GSPT1: variants seen among roughly 807,000 people sequenced by gnomAD.
GSPT1 encodes the protein G1 to S phase transition 1.
GSPT1 carries 20 observed loss-of-function variants against 72.5 expected under a neutral mutation model. That is an observed-to-expected ratio of 0.28 (90% confidence interval 0.19 to 0.40). The LOEUF (loss-of-function observed/expected upper bound fraction) is 0.40. GSPT1 is among the 10% of genes least tolerant of loss of function. GSPT1 has a pLI of 1.00. For missense variants in GSPT1, 580 were observed against 811.9 expected (o/e 0.71, Z 3.47); for synonymous variants, 334 against 293.5 (o/e 1.14, Z -1.41).
At chr16:11,901,465 C>T (rs1021763004) in intron 1 of GSPT1, among the ~76,000 whole-genome samples, 8 of 152,026 alleles carry the variant, frequency 5.3e-5, no homozygotes, top group Non-Finnish European at 1.0e-4. Flanking sequence ...AGAAACACAC[C>T]TTTATTAACT....
At chr16:11,893,627 G>T (rs2054297548) in intron 5 of GSPT1, among the ~76,000 whole-genome samples, 1 of 152,056 alleles carries the variant, frequency 6.6e-6, no homozygotes, top group Non-Finnish European at 1.5e-5. Flanking sequence ...GCTTTCATCT[G>T]TGTTCTCCAC....
At chr16:11,910,971 CAAA>C (rs2054550018) in intron 1 of GSPT1, among the ~76,000 whole-genome samples, 1 of 152,114 alleles carries the variant, frequency 6.6e-6, no homozygotes, top group African/African-American at 2.4e-5. Context: ...AAACAAGAGA[CAAA>C]AAGGTCAGCC....
intron 11 of GSPT1, among the ~76,000 whole-genome samples, chr16:11,882,799 T>TA (rs549417221): frequency 0.036 from 5,105 of 143,304 alleles, 136 homozygotes; most frequent in Non-Finnish European, 0.053. Context: ...AATTTTTATT[T>TA]AAAAAAAAAA....
intron 6 of GSPT1, chr16:11,890,703 G>C (rs1414854963): frequency 1.2e-5 from 2 of 164,098 alleles, no homozygotes; most frequent in Non-Finnish European, 1.3e-5. Context: ...CATATCTTAA[G>C]TACAGGGATG....
chr16:11,896,721 T>C lies in GSPT1; in HGVS notation c.501A>G (p.Glu167=), dbSNP rs1348969821. 6.2e-7 allele frequency: 1 copy of C among 1,605,650 alleles called. No homozygotes were observed. The highest frequency in any genetic ancestry group is 2.2e-5 in the East Asian group (1 of 44,774). ...CCAAGGAACCACCCCCTGGCTCTGC[T>C]TCACTTATTTCTTCTTTGTGCTCCC... ...ESWEHKEEIS[E]AEPGGGSLGD... The change falls in exon 4 of 15, where the codon GAA becomes GAG. Residue 167 remains glutamate (E), a synonymous_variant. Coordinates refer to ENST00000434724, the MANE Select transcript of GSPT1 (RefSeq NM_002094.4).
At chr16:11,892,533 A>AAAAAT (rs2054279781) in intron 5 of GSPT1, among the ~76,000 whole-genome samples, 2 of 131,290 alleles carry the variant, frequency 1.5e-5, no homozygotes, top group African/African-American at 3.5e-5. Flanking sequence ...CAAAAAAAAC[A>AAAAAT]AAAAATAAAA....
Position 11,875,877 on chromosome 16 carries a change from G to C in GSPT1, c.1745C>G (p.Pro582Arg). ...KKSGEKSKTR[P>R]RFVKQDQVCI... ...TACTTGATCTTGTTTGACAAAACGG[G>C]GTCGGGTCTTACTTTTTTCTCCTGA... The change falls in exon 14 of 15, where the codon CCC (proline) becomes CGC (arginine). Residue 582 changes from proline to arginine, a missense_variant. Pro to Arg is a moderately radical substitution (Grantham distance 103, BLOSUM62 -2). Transcript: ENST00000434724. 1.2e-6 allele frequency: 2 copies of C among 1,613,626 alleles called. No homozygotes were observed. Among genetic ancestry groups the C allele is most frequent in the Non-Finnish European group, 8.5e-7 (1 of 1,179,780 alleles).
At chr16:11,882,372 A>C (rs1253510454) in intron 11 of GSPT1, 1 of 152,264 alleles carries the variant, frequency 6.6e-6, no homozygotes, top group African/African-American at 2.4e-5. Context: ...ACATTTTAGA[A>C]GATACTATAT....
At chr16:11,876,016 T>C (rs896170810) in intron 13 of GSPT1, 70 bp downstream of exon 13, 1 of 1,443,602 alleles carries the variant, frequency 6.9e-7, no homozygotes, top group Non-Finnish European at 9.7e-7. Flanking sequence ...AGTGCATCAC[T>C]GTTGCTGATT....
At chr16:11,878,519 G>C (rs1567435505) in intron 11 of GSPT1, among the ~76,000 whole-genome samples, 2 of 151,090 alleles carry the variant, frequency 1.3e-5, no homozygotes, top group Non-Finnish European at 2.9e-5. Flanking sequence ...CTTGAGCCCA[G>C]GTGTTTTAAG....
intron 1 of GSPT1, among the ~76,000 whole-genome samples, chr16:11,900,434 G>A (rs2054391911): frequency 6.6e-6 from 1 of 152,044 alleles, no homozygotes; most frequent in Non-Finnish European, 1.5e-5. Flanking sequence ...ATTGTGTAGG[G>A]AGTGGGGGAT....
Position 11,877,902 on chromosome 16 carries a change from T to G in GSPT1, c.1429-322A>C, listed in dbSNP as rs2054067519. Among the ~76,000 whole-genome samples, 1 of 152,218 alleles carries G rather than the reference T, an allele frequency of 6.6e-6. No homozygotes were observed. Among genetic ancestry groups the G allele is most frequent in the African/African-American group, 2.4e-5 (1 of 41,456 alleles). On this transcript the variant is annotated intron_variant, in intron 11 of 14. Transcript: ENST00000434724. This position sits in a 1 kb window ranked among gnomAD's most constrained non-coding sequence, Gnocchi z 4.0. ...ACAATTTAATATTTGGATTTCAGTT[T>G]TATGGATATAATTTTTATTATTATG...
Position 11,915,712 on chromosome 16 carries a change from C to G in GSPT1, c.9G>C (p.Pro3=), listed in dbSNP as rs931679928. Residue 3 remains proline, a synonymous_variant, in exon 1 of 15, where the codon CCG becomes CCC. Coordinates refer to ENST00000434724, the MANE Select transcript of GSPT1 (RefSeq NM_002094.4). ...CGCCGCCGCCGCCGCCGCCACTGCCCGGATCCATGATCGGGGGGGCCGTGT... is the reference window on the plus strand; with the variant it reads ...CGCCGCCGCCGCCGCCGCCACTGCCGGGATCCATGATCGGGGGGGCCGTGT... MD[P]GSGGGGGGGG... 3 of 1,510,362 alleles carry G rather than the reference C, an allele frequency of 2.0e-6. No individual in the cohort carries two copies. Among genetic ancestry groups the G allele is most frequent in the Non-Finnish European group, 2.6e-6 (3 of 1,137,286 alleles). 93.6% of individuals were successfully genotyped at this position (1,510,362 alleles called of 1,614,324 possible).
chr16:11,907,570 C>T (rs2150889090), intron 1 of GSPT1, among the ~76,000 whole-genome samples: 1 of 152,046 alleles, frequency 6.6e-6, no homozygotes, highest in East Asian at 1.9e-4. Context: ...CAGAAAACTA[C>T]ACGCTAGTTG....
intron 9 of GSPT1, among the ~76,000 whole-genome samples, chr16:11,885,631 C>T (rs1280064152): frequency 6.6e-6 from 1 of 152,142 alleles, no homozygotes; most frequent in Non-Finnish European, 1.5e-5. Context: ...GTGGCTCATG[C>T]CTATAATCCC....
At chr16:11,885,092 A>G (rs2054171913) in intron 10 of GSPT1, 89 bp downstream of exon 10, 2 of 682,616 alleles carry the variant, frequency 2.9e-6, no homozygotes, top group African/African-American at 1.8e-5. Flanking sequence ...AAAGAAAAGA[A>G]AAGAAAAAAA....
chr16:11,915,234 AC>A lies in GSPT1; in HGVS notation c.352+134del, dbSNP rs1172859300. 23 of 1,147,560 alleles carry A rather than the reference AC, an allele frequency of 2.0e-5. No individual in the cohort carries two copies. In the African/African-American group the frequency reaches 3.4e-4, roughly 17 times the overall value. 71.1% of individuals were successfully genotyped at this position (1,147,560 alleles called of 1,614,324 possible). A position where few individuals can be genotyped will look rare whatever the true frequency, so the allele number is the denominator to read the frequency against. ...CCGGCTCCCGGGCTCGGGGCGCCCC[AC>A]CCAGGCAGACGGCGCCACTGTCAGC... On this transcript the variant is annotated intron_variant, in intron 1 of 14. Transcript: ENST00000434724.
At chr16:11,892,525 A>AAAAATT (rs1256257842) in intron 5 of GSPT1, among the ~76,000 whole-genome samples, 1 of 141,858 alleles carries the variant, frequency 7.0e-6, no homozygotes, top group African/African-American at 2.8e-5. Flanking sequence ...AAAAAAAACA[A>AAAAATT]AAAAAACAAA....
chr16:11,892,110 G>A (rs2141294080), intron 5 of GSPT1, among the ~76,000 whole-genome samples: 1 of 151,468 alleles, frequency 6.6e-6, no homozygotes, highest in African/African-American at 2.4e-5. Flanking sequence ...TTGGGAGGCT[G>A]AGGTGGGAGG....
Sources: gnomAD v4.1 joint callset for allele counts (sites outside exome capture counted in the v4.1 genomes callset) on GRCh38, gnomAD v4.1.1 for gene constraint, Gnocchi (gnomAD v3.1) non-coding constraint, MANE v1.5 for transcripts, NCBI Gene and HGNC (gene_info 2026-07-23, HGNC 2026-07-21) for gene names.